Variants in SRGAP1 observed in about 807,000 individuals in gnomAD.
The protein encoded by SRGAP1 is SLIT-ROBO Rho GTPase-activating protein 1.
Under a neutral mutation model 121.9 loss-of-function variants are expected in SRGAP1, and 43 were observed. The ratio of observed to expected loss-of-function variants is 0.35; its 90% CI spans 0.28 to 0.46. SRGAP1 has a LOEUF of 0.46. Ranked by LOEUF, SRGAP1 falls within the 20% of genes least tolerant of loss-of-function variation. The probability of loss-of-function intolerance (pLI) is 1.00; values close to 1 mark genes in which losing one functional copy is unlikely to be tolerated. For missense variants in SRGAP1, 1,102 were observed against 1,350.9 expected (o/e 0.82, Z 2.89); for synonymous variants, 447 against 485.4 (o/e 0.92, Z 1.04).
In SRGAP1 at chr12:64,154,162, T is replaced by C. The variant is rs2037146177; in HGVS notation, c.*11490T>C. The C allele has an allele frequency of 6.6e-6, 1 of 152,222 alleles. No individual in the cohort carries two copies. 9.4% of individuals were successfully genotyped at this position (152,222 alleles called of 1,614,324 possible). The stretch of plus-strand genomic sequence containing the variant: ...GGATGAGGAAGAAAATGGAAATTGT[T>C]GTTCAGTGTTTACAGGGTTTCAGTT... On this transcript the variant is annotated 3_prime_UTR_variant, in exon 22 of 22. Coordinates refer to ENST00000355086, the MANE Select transcript of SRGAP1 (RefSeq NM_020762.4).
chr12:64,149,455 C>G lies in SRGAP1; in HGVS notation c.*6783C>G, dbSNP rs1468828902. ...GATTTAGAGGCTAGCCCACCAGGAA[C>G]AAATGCCCAAATCAGTCTGTAGAGT... On this transcript the variant is annotated 3_prime_UTR_variant, in exon 22 of 22. Transcript: ENST00000355086. 6.6e-6 allele frequency: 1 copy of G among 152,174 alleles called. No individual in the cohort carries two copies. The highest frequency in any genetic ancestry group is 1.5e-5 in the Non-Finnish European group (1 of 68,034). The allele number at this position is 152,174 out of a possible 1,614,324, so 9.4% of individuals were successfully genotyped here. A position where few individuals can be genotyped will look rare whatever the true frequency, so the allele number is the denominator to read the frequency against.
At chr12:63,916,195 G>C (rs569750216) in intron 1 of SRGAP1, among the ~76,000 whole-genome samples, 30 of 151,928 alleles carry the variant, frequency 2.0e-4, no homozygotes, top group African/African-American at 7.2e-4. Flanking sequence ...CACCATGCCT[G>C]CCTGATTTTT....
At chr12:64,109,479 G>A (rs780624354) in intron 16 of SRGAP1, among the ~76,000 whole-genome samples, 1 of 152,102 alleles carries the variant, frequency 6.6e-6, no homozygotes, top group Non-Finnish European at 1.5e-5. Flanking sequence ...AAGAATTTCT[G>A]CAAATTCACT....
At chr12:64,081,334 A>G (rs1408072190) in intron 10 of SRGAP1, 1 of 152,154 alleles carries the variant, frequency 6.6e-6, no homozygotes, top group African/African-American at 2.4e-5. Flanking sequence ...CCTTAACCAT[A>G]AAGTTTCTAT....
At chr12:64,011,907 G>C (rs962853446) in intron 3 of SRGAP1, among the ~76,000 whole-genome samples, 33 of 152,050 alleles carry the variant, frequency 2.2e-4, no homozygotes, top group African/African-American at 8.0e-4. Context: ...CTTGAGCCCA[G>C]CCTGGGCAAC....
At chr12:64,069,135 A>T (rs1164980035) in intron 8 of SRGAP1, among the ~76,000 whole-genome samples, 2 of 152,098 alleles carry the variant, frequency 1.3e-5, no homozygotes, top group Non-Finnish European at 2.9e-5. Flanking sequence ...ACGGTAACTG[A>T]CTTCCCTTAG....
chr12:64,072,106 C>CTGTGTGTGTGTGTGTG (rs1212999220), intron 8 of SRGAP1, among the ~76,000 whole-genome samples: 17 of 37,794 alleles, frequency 4.5e-4, no homozygotes, highest in African/African-American at 8.8e-4. Context: ...CCCAATCTCT[C>CTGTGTGTGTGTGTGTG]TCTGTGTGTG....
chr12:64,115,841 A>C lies in SRGAP1; in HGVS notation c.2172A>C (p.Thr724=). Reference sequence around the variant, plus strand: ...ACAGCCCATACAGTGAGCACGGTACATTGGAGGAAGTGGACCAAGATGCTG... The same window carrying C: ...ACAGCCCATACAGTGAGCACGGTACCTTGGAGGAAGTGGACCAAGATGCTG... ...YCDSPYSEHG[T]LEEVDQDAGT... Residue 724 remains threonine, a synonymous_variant, in exon 18 of 22, where the codon ACA becomes ACC. Coordinates refer to ENST00000355086, the MANE Select transcript of SRGAP1 (RefSeq NM_020762.4). 1 of 1,613,770 alleles carries C rather than the reference A, an allele frequency of 6.2e-7. No individual in the cohort carries two copies. Among genetic ancestry groups the C allele is most frequent in the Non-Finnish European group, 8.5e-7 (1 of 1,179,822 alleles).
rs895571908 is a variant in SRGAP1, at chr12:63,845,029, C to T, written c.67+146C>T. On this transcript the variant is annotated intron_variant, in intron 1 of 21. Transcript: ENST00000355086. ...CTGTCTGAGCCACCTGGGCTTCCTACAAGCCAGTTAGTTCCCAGTTGCAAT... is the reference window on the plus strand; with the variant it reads ...CTGTCTGAGCCACCTGGGCTTCCTATAAGCCAGTTAGTTCCCAGTTGCAAT... The T allele has an allele frequency of 1.2e-4, 92 of 779,088 alleles. No individual in the cohort carries two copies. The Middle Eastern group carries it at 1.3e-3, about 11-fold the overall frequency. 48.3% of individuals were successfully genotyped at this position (779,088 alleles called of 1,614,324 possible). A position where few individuals can be genotyped will look rare whatever the true frequency, so the allele number is the denominator to read the frequency against.
intron 11 of SRGAP1, among the ~76,000 whole-genome samples, chr12:64,087,869 T>A (rs1484023219): frequency 6.6e-6 from 1 of 152,242 alleles, no homozygotes; most frequent in Non-Finnish European, 1.5e-5. Flanking sequence ...TATTGTACTT[T>A]CTTCATTCAG....
At chr12:63,862,463 A>G (rs1899488046) in intron 1 of SRGAP1, among the ~76,000 whole-genome samples, 1 of 152,190 alleles carries the variant, frequency 6.6e-6, no homozygotes, top group African/African-American at 2.4e-5. Flanking sequence ...GGTCTGTGGA[A>G]GACATGGACT....
intron 4 of SRGAP1, among the ~76,000 whole-genome samples, chr12:64,031,224 A>G (rs1485331022): frequency 1.3e-5 from 2 of 150,880 alleles, no homozygotes; most frequent in African/African-American, 4.9e-5. Context: ...AGGCTGAGTC[A>G]GGAGAATCAC....
intron 21 of SRGAP1, among the ~76,000 whole-genome samples, chr12:64,131,679 A>G (rs1485619178): frequency 6.6e-6 from 1 of 152,220 alleles, no homozygotes. Context: ...TTATGCCTTC[A>G]GGAGTTGCAT....
intron 1 of SRGAP1, among the ~76,000 whole-genome samples, chr12:63,921,510 C>CAGGCTG (rs561785725): frequency 8.1e-4 from 123 of 152,316 alleles, no homozygotes; most frequent in African/African-American, 2.8e-3. Context: ...GGCGTTTGCA[C>CAGGCTG]AGGCTGAACC....
At chr12:64,076,088 G>A (rs1361630572) in intron 8 of SRGAP1, among the ~76,000 whole-genome samples, 1 of 152,146 alleles carries the variant, frequency 6.6e-6, no homozygotes, top group Non-Finnish European at 1.5e-5. Context: ...CCAATATTTT[G>A]AACAGTAATA....
chr12:63,997,805 G>A (rs1208800070), intron 3 of SRGAP1, among the ~76,000 whole-genome samples: 2 of 152,016 alleles, frequency 1.3e-5, no homozygotes, highest in Admixed American at 6.6e-5. Context: ...ATTTCACTTG[G>A]ATTATGCACT....
intron 1 of SRGAP1, among the ~76,000 whole-genome samples, chr12:63,852,491 T>C (rs1031874804): frequency 1.3e-5 from 2 of 152,204 alleles, no homozygotes; most frequent in African/African-American, 4.8e-5. Context: ...GAATAGACAA[T>C]GCATACAGAT....
At chr12:63,943,936 C>T (rs1483066788) in intron 1 of SRGAP1, among the ~76,000 whole-genome samples, 1 of 152,050 alleles carries the variant, frequency 6.6e-6, no homozygotes, top group Non-Finnish European at 1.5e-5. Context: ...AATTATAATT[C>T]AGGAAAAATA....
chr12:64,047,787 G>T (rs1303056517), intron 6 of SRGAP1, among the ~76,000 whole-genome samples: 1 of 152,012 alleles, frequency 6.6e-6, no homozygotes, highest in African/African-American at 2.4e-5. Flanking sequence ...CATGTGTATT[G>T]TAAAAAACCA....
Sources: gnomAD v4.1 joint callset for allele counts (sites outside exome capture counted in the v4.1 genomes callset) on GRCh38, gnomAD v4.1.1 for gene constraint, MANE v1.5 for transcripts, NCBI Gene and HGNC (gene_info 2026-07-23, HGNC 2026-07-21) for gene names.